APMAP: variants seen among roughly 807,000 people sequenced by gnomAD.
APMAP encodes the protein adipocyte plasma membrane-associated protein.
A neutral mutation model predicts 43.6 loss-of-function variants in APMAP; 33 were observed. That is an observed-to-expected ratio of 0.76 (90% confidence interval 0.57 to 1.01). The LOEUF is 1.01. Ranked by LOEUF, APMAP falls within the 50% of genes least tolerant of loss-of-function variation. The pLI is 0.00. For missense variants in APMAP, 498 were observed against 540.7 expected (o/e 0.92, Z 0.78); for synonymous variants, 224 against 216.7 (o/e 1.03, Z -0.30).
Position 24,970,195 on chromosome 20 carries a change from A to C in APMAP, c.713+2T>G, listed in dbSNP as rs1441263078. ...AATGGGAGACCTGGAGCAAGGCCTC[A>C]CCGCCCGTCATCTGTGCCCTCCATC... On this transcript the variant is annotated splice_donor_variant, in intron 6 of 8. Coordinates refer to ENST00000217456, the MANE Select transcript of APMAP (RefSeq NM_020531.3). LOFTEE classifies it high-confidence loss of function. 3.1e-6 allele frequency: 5 copies of C among 1,614,056 alleles called. No individual in the cohort carries two copies. Among genetic ancestry groups the C allele is most frequent in the Non-Finnish European group, 4.2e-6 (5 of 1,179,966 alleles).
chr20:24,990,675 T>A (rs777192779), intron 1 of APMAP, among the ~76,000 whole-genome samples: 3 of 152,242 alleles, frequency 2.0e-5, no homozygotes, highest in African/African-American at 7.2e-5. Context: ...TCCTGGCTTA[T>A]GTTGAACCCT....
At chr20:24,976,532 G>A (rs1179949398) in intron 3 of APMAP, among the ~76,000 whole-genome samples, 1 of 152,130 alleles carries the variant, frequency 6.6e-6, no homozygotes, top group Non-Finnish European at 1.5e-5. Context: ...CCAAAACACT[G>A]ACACCACCAA....
chr20:24,982,857 G>A (rs181977855), intron 2 of APMAP, among the ~76,000 whole-genome samples: 7 of 123,094 alleles, frequency 5.7e-5, no homozygotes, highest in Non-Finnish European at 8.6e-5. Context: ...CACCCCTGAC[G>A]CCCCTCCTTT....
intron 2 of APMAP, among the ~76,000 whole-genome samples, chr20:24,982,792 G>T (rs2088115932): frequency 6.6e-6 from 1 of 152,066 alleles, no homozygotes; most frequent in Non-Finnish European, 1.5e-5. Flanking sequence ...GTAAAGAAGG[G>T]TTAGAAAGAG....
rs989175435 is a variant in APMAP, at chr20:24,983,795, C to A, written c.212+108G>T. On this transcript the variant is annotated intron_variant, in intron 2 of 8. Transcript: ENST00000217456. ...AATCACAAAACTCTATTTCTCCTAA[C>A]TTACCTTTCAGATCAGATTGATTTA... is the stretch of plus-strand genomic sequence containing the variant. 31 of 720,658 alleles carry A rather than the reference C, an allele frequency of 4.3e-5. No individual in the cohort carries two copies. In the African/African-American group the frequency reaches 5.4e-4, roughly 13 times the overall value. 44.6% of individuals were successfully genotyped at this position (720,658 alleles called of 1,614,324 possible).
rs1223538129 is a variant in APMAP at position 24,963,957 on chromosome 20, G to A, written c.1107C>T (p.Asp369=). The change falls in exon 9 of 9, where the codon GAC becomes GAT. Residue 369 remains aspartate (D), a synonymous_variant. Coordinates refer to ENST00000217456, the MANE Select transcript of APMAP (RefSeq NM_020531.3). ...GCAGGCTTCTCCGGAAGGCACCGCT[G>A]TCGCTGAGTTCTAGGACGAGGCTGT... The part of the protein sequence containing the change: ...PRYSLVLELS[D]SGAFRRSLHD... 1.9e-6 allele frequency: 3 copies of A among 1,614,106 alleles called. No individual in the cohort carries two copies. The highest frequency in any genetic ancestry group is 2.5e-6 in the Non-Finnish European group (3 of 1,180,048).
intron 2 of APMAP, among the ~76,000 whole-genome samples, chr20:24,979,257 G>T (rs1470007736): frequency 6.6e-6 from 1 of 152,104 alleles, no homozygotes; most frequent in African/African-American, 2.4e-5. Flanking sequence ...CTAGGGTGGT[G>T]GGGGGCAGTG....
chr20:24,965,470 G>A lies in APMAP; in HGVS notation c.1042-1448C>T, dbSNP rs113566739. 6.1e-3 allele frequency among the ~76,000 whole-genome samples: 929 copies of A among 152,356 alleles called. 15 individuals carry two copies. The highest frequency in any genetic ancestry group is 0.022 in the African/African-American group (905 of 41,580). On this transcript the variant is annotated intron_variant, in intron 8 of 8. Transcript: ENST00000217456. Reference sequence around the variant, plus strand: ...AGCAGGGTACATGTGTGCAGGGGATGGCAGACCATGGTGACCCAGACAAGC... The same window carrying A: ...AGCAGGGTACATGTGTGCAGGGGATAGCAGACCATGGTGACCCAGACAAGC...
chr20:24,976,109 G>T (rs1295156338), intron 3 of APMAP, among the ~76,000 whole-genome samples: 1 of 152,172 alleles, frequency 6.6e-6, no homozygotes, highest in Non-Finnish European at 1.5e-5. Flanking sequence ...TAGGTATGAT[G>T]ATGAATTTTT....
chr20:24,975,324 T>C (rs1281547575), intron 3 of APMAP, among the ~76,000 whole-genome samples: 1 of 152,158 alleles, frequency 6.6e-6, no homozygotes, highest in Non-Finnish European at 1.5e-5. Context: ...AACCAAGCAA[T>C]TATAGCATGG....
chr20:24,983,447 A>G (rs925406764), intron 2 of APMAP, among the ~76,000 whole-genome samples: 6 of 152,178 alleles, frequency 3.9e-5, no homozygotes, highest in Non-Finnish European at 8.8e-5. Context: ...TACATATACA[A>G]TAGTTTTTTC....
At chr20:24,978,714 CTCAGA>C in intron 3 of APMAP, 48 bp downstream of exon 3, 1 of 1,235,610 alleles carries the variant, frequency 8.1e-7, no homozygotes, top group Non-Finnish European at 1.2e-6. Context: ...AACCCGCCCC[CTCAGA>C]CAACAGACAG....
chr20:24,979,402 G>A (rs6138442), intron 2 of APMAP, among the ~76,000 whole-genome samples: 13,253 of 152,204 alleles, frequency 0.087, 718 homozygotes, highest in Middle Eastern at 0.19. Context: ...TGATATTCTC[G>A]AGGCCCACCA....
At chr20:24,983,870 G>T in intron 2 of APMAP, 33 bp downstream of exon 2, 2 of 1,449,314 alleles carry the variant, frequency 1.4e-6, no homozygotes, top group Non-Finnish European at 1.9e-6. Context: ...ATTTTGTCAA[G>T]CAACCCCTCC....
intron 1 of APMAP, among the ~76,000 whole-genome samples, chr20:24,984,380 C>A (rs1264862198): frequency 6.6e-6 from 1 of 152,178 alleles, no homozygotes; most frequent in Non-Finnish European, 1.5e-5. Flanking sequence ...ACACACTCAT[C>A]CACAGAAAAG....
intron 1 of APMAP, among the ~76,000 whole-genome samples, chr20:24,986,855 C>G (rs1322294305): frequency 6.6e-6 from 1 of 152,188 alleles, no homozygotes; most frequent in Non-Finnish European, 1.5e-5. Context: ...GCGCTGCCTG[C>G]CAAGAGCAAG....
At chr20:24,972,578 T>C (rs1488945900) in intron 4 of APMAP, among the ~76,000 whole-genome samples, 3 of 150,552 alleles carry the variant, frequency 2.0e-5, no homozygotes, top group African/African-American at 7.3e-5. Flanking sequence ...AGGTGCTCAC[T>C]ACAGGTGCTT....
chr20:24,992,369 C>CA, intron 1 of APMAP, among the ~76,000 whole-genome samples: 1 of 152,198 alleles, frequency 6.6e-6, no homozygotes, highest in East Asian at 1.9e-4. Context: ...GGCGACTGGG[C>CA]GCAGGGTGCA....
chr20:24,978,417 C>T (rs569494925), intron 3 of APMAP, among the ~76,000 whole-genome samples: 11 of 152,338 alleles, frequency 7.2e-5, no homozygotes, highest in Non-Finnish European at 1.0e-4. Context: ...CTAAGAAATA[C>T]TGTGCTGTCA....
Sources: gnomAD v4.1 joint callset for allele counts (sites outside exome capture counted in the v4.1 genomes callset) on GRCh38, gnomAD v4.1.1 for gene constraint, MANE v1.5 for transcripts, NCBI Gene and HGNC (gene_info 2026-07-23, HGNC 2026-07-21) for gene names.